The following RUNX1T1 variants were observed in gnomAD, a reference collection of about 807,000 sequenced individuals.
RUNX1T1 encodes the protein RUNX1 partner transcriptional co-repressor 1.
RUNX1T1 carries 4 observed loss-of-function variants against 62.8 expected under a neutral mutation model. That is an observed-to-expected ratio of 0.06 (90% CI 0.03 to 0.15). The LOEUF is 0.15. Among genes scored for constraint, RUNX1T1 ranks in the 10% least tolerant of loss-of-function variants. The probability of loss-of-function intolerance (pLI) is 1.00; values close to 1 mark genes in which losing one functional copy is unlikely to be tolerated. For missense variants in RUNX1T1, 508 were observed against 754.3 expected, an observed-to-expected ratio of 0.67 and a Z score of 3.82; for synonymous variants, 291 against 286.0, an observed-to-expected ratio of 1.02 and a Z score of -0.18.
chr8:91,989,018 C>A (rs1295730159), intron 6 of RUNX1T1, among the ~76,000 whole-genome samples: 1 of 151,828 alleles, frequency 6.6e-6, no homozygotes, highest in Non-Finnish European at 1.5e-5. Context: ...AGGGATGTAC[C>A]GGGGGAAATA....
chr8:92,050,547 C>T (rs1186664093), intron 1 of RUNX1T1, among the ~76,000 whole-genome samples: 2 of 152,154 alleles, frequency 1.3e-5, no homozygotes, highest in Non-Finnish European at 1.5e-5. Context: ...TCCCTTTCAA[C>T]GGATGAGAAA....
At chr8:92,090,579 T>A (rs964961908) in intron 1 of RUNX1T1, among the ~76,000 whole-genome samples, 1 of 152,174 alleles carries the variant, frequency 6.6e-6, no homozygotes. Context: ...CACACACTTG[T>A]GAGTATCCAA....
At chr8:92,007,967 C>CAAAAAAAAAAAAAA in intron 4 of RUNX1T1, among the ~76,000 whole-genome samples, 1 of 85,328 alleles carries the variant, frequency 1.2e-5, no homozygotes, top group Non-Finnish European at 2.5e-5. Flanking sequence ...GACTTTGTTT[C>CAAAAAAAAAAAAAA]AAAAAAAAAA....
intron 1 of RUNX1T1, among the ~76,000 whole-genome samples, chr8:92,041,211 G>A (rs1828379787): frequency 6.7e-6 from 1 of 149,458 alleles, no homozygotes; most frequent in Non-Finnish European, 1.5e-5. Flanking sequence ...CACAGCAAAT[G>A]AACAGCATGC....
chr8:92,015,339 A>G (rs566008927), intron 2 of RUNX1T1, among the ~76,000 whole-genome samples: 1 of 152,308 alleles, frequency 6.6e-6, no homozygotes, highest in Non-Finnish European at 1.5e-5. Flanking sequence ...CCACCACCCA[A>G]TTAGAAGGCT....
intron 1 of RUNX1T1, among the ~76,000 whole-genome samples, chr8:92,098,940 G>A (rs759845453): frequency 6.6e-6 from 1 of 152,098 alleles, no homozygotes; most frequent in African/African-American, 2.4e-5. Context: ...AATGTTCACT[G>A]TTCTTTAAAC....
At chr8:92,090,942 C>G (rs769622102) in intron 1 of RUNX1T1, among the ~76,000 whole-genome samples, 1 of 152,158 alleles carries the variant, frequency 6.6e-6, no homozygotes, top group Non-Finnish European at 1.5e-5. Context: ...TGGTGAAGGA[C>G]AGGCTCATAG....
At chr8:91,993,149 G>A (rs1818001068) in intron 5 of RUNX1T1, among the ~76,000 whole-genome samples, 1 of 152,028 alleles carries the variant, frequency 6.6e-6, no homozygotes, top group African/African-American at 2.4e-5. Flanking sequence ...ATTTTAGATA[G>A]TAAAACAACA....
chr8:91,963,165 G>C (rs1172077243), intron 10 of RUNX1T1, among the ~76,000 whole-genome samples: 1 of 152,172 alleles, frequency 6.6e-6, no homozygotes, highest in East Asian at 1.9e-4. Flanking sequence ...GCTGGGAATT[G>C]AGCCTTCTTG....
intron 1 of RUNX1T1, chr8:92,095,314 T>C (rs769889552): frequency 2.6e-6 from 4 of 1,526,286 alleles, no homozygotes; most frequent in Non-Finnish European, 1.8e-6. Context: ...CCTTCCTCCC[T>C]GCTCGCCTCC....
At position 92,017,636 on chromosome 8, in the gene RUNX1T1, T is replaced by C. The variant is rs1181275515; in HGVS notation, c.8-273A>G. The C allele has an allele frequency of 4.5e-6, 6 of 1,318,878 alleles. No homozygotes were observed. The East Asian group carries it at 1.3e-4, about 28-fold the overall frequency. The allele number at this position is 1,318,878 out of a possible 1,614,324, so 81.7% of individuals were successfully genotyped here. A position where few individuals can be genotyped will look rare whatever the true frequency, so the allele number is the denominator to read the frequency against. On this transcript the variant is annotated intron_variant, in intron 1 of 10. Transcript: ENST00000396218. ...GGCAGATGCTACCTTGGTAGTGTTA[T>C]ATGCAGCAGCACAACTGCACTGGAA...
intron 1 of RUNX1T1, among the ~76,000 whole-genome samples, chr8:92,059,844 T>C (rs1031603614): frequency 1.3e-5 from 2 of 152,032 alleles, no homozygotes; most frequent in African/African-American, 4.8e-5. Flanking sequence ...AAACTTGAAC[T>C]TAAAAAAAAG....
intron 1 of RUNX1T1, among the ~76,000 whole-genome samples, chr8:92,042,624 T>A (rs2130161454): frequency 6.6e-6 from 1 of 152,334 alleles, no homozygotes; most frequent in Admixed American, 6.5e-5. Context: ...ACCCACTTGA[T>A]CTGCTTTCCC....
At chr8:92,004,960 C>T (rs1020564696) in intron 5 of RUNX1T1, 156 bp downstream of exon 6, 5 of 647,896 alleles carry the variant, frequency 7.7e-6, no homozygotes, top group Non-Finnish European at 1.3e-5. Flanking sequence ...TGTAAAATCC[C>T]AGGCCAGAGC....
At chr8:92,035,495 TA>T (rs576124070) in intron 1 of RUNX1T1, among the ~76,000 whole-genome samples, 1 of 151,500 alleles carries the variant, frequency 6.6e-6, no homozygotes, top group Non-Finnish European at 1.5e-5. Context: ...TCTAAATACA[TA>T]AAAAAAAATT....
intron 1 of RUNX1T1, among the ~76,000 whole-genome samples, chr8:92,093,448 T>C (rs1586012463): frequency 6.6e-6 from 1 of 152,338 alleles, no homozygotes; most frequent in East Asian, 1.9e-4. Flanking sequence ...TACTTAGTAT[T>C]TCTCTGCCTT....
downstream of RUNX1T1, chr8:91,955,825 C>T (rs2130320240): frequency 4.4e-6 from 1 of 227,458 alleles, no homozygotes; most frequent in East Asian, 6.3e-5. Flanking sequence ...TAACAGCATT[C>T]ACAGGGTAGG....
chr8:92,046,100 C>T (rs184374552), intron 1 of RUNX1T1, among the ~76,000 whole-genome samples: 1 of 152,214 alleles, frequency 6.6e-6, no homozygotes, highest in East Asian at 1.9e-4. Flanking sequence ...CCCCTACCTG[C>T]CGACTCATGT....
chr8:92,100,472 C>T (rs1415095726), upstream of RUNX1T1, among the ~76,000 whole-genome samples: 2 of 152,060 alleles, frequency 1.3e-5, no homozygotes, highest in African/African-American at 4.8e-5. Context: ...TAAAAAAGTC[C>T]GTTTTTATGC....
Sources: allele counts gnomAD v4.1 joint callset (sites outside exome capture counted in the v4.1 genomes callset), GRCh38; gene constraint gnomAD v4.1.1; transcripts MANE v1.5; gene names NCBI Gene and HGNC (gene_info 2026-07-23, HGNC 2026-07-21).